PRKCB: variants seen among roughly 807,000 people sequenced by gnomAD.
PRKCB encodes the protein protein kinase C beta, also known as protein kinase C beta type.
A neutral mutation model predicts 81.5 loss-of-function variants in PRKCB; 13 were observed. The ratio of observed to expected loss-of-function variants is 0.16; its 90% confidence interval spans 0.10 to 0.25. The LOEUF is 0.25. PRKCB is among the 10% of genes least tolerant of loss of function. The pLI, the probability that PRKCB is intolerant of heterozygous loss-of-function variation, is 1.00. For synonymous variants in PRKCB, 335 were observed against 321.4 expected, an observed-to-expected ratio of 1.04 and a Z score of -0.45; for missense variants, 509 against 875.7, an observed-to-expected ratio of 0.58 and a Z score of 5.29.
At chr16:23,962,815 A>C (rs559927507) in intron 2 of PRKCB, 1 of 151,656 alleles carries the variant, frequency 6.6e-6, no homozygotes, top group African/African-American at 2.4e-5. Flanking sequence ...AAGTTCTTTC[A>C]TGGTGATTTC....
intron 9 of PRKCB, among the ~76,000 whole-genome samples, chr16:24,145,761 C>T (rs1286689037): frequency 6.6e-6 from 1 of 152,214 alleles, no homozygotes; most frequent in Non-Finnish European, 1.5e-5. Context: ...GGACAAAGCT[C>T]CCGGGCCAGT....
At chr16:24,004,963 A>G (rs1313316081) in intron 3 of PRKCB, among the ~76,000 whole-genome samples, 2 of 152,188 alleles carry the variant, frequency 1.3e-5, no homozygotes, top group Non-Finnish European at 2.9e-5. Context: ...CTCACTACCA[A>G]TTAGAGTTTA....
At chr16:23,882,030 CT>C (rs1597226220) in intron 2 of PRKCB, among the ~76,000 whole-genome samples, 13 of 46,150 alleles carry the variant, frequency 2.8e-4, no homozygotes, top group South Asian at 1.4e-3. Flanking sequence ...TTCTTCCTTC[CT>C]TCCTTCCTTC....
At chr16:23,934,983 T>C (rs780160166) in intron 2 of PRKCB, among the ~76,000 whole-genome samples, 3 of 152,200 alleles carry the variant, frequency 2.0e-5, no homozygotes, top group Non-Finnish European at 4.4e-5. Flanking sequence ...TCTTTGAGTA[T>C]GGTGATGACT....
chr16:23,897,922 G>A (rs1488206078), intron 2 of PRKCB, among the ~76,000 whole-genome samples: 6 of 151,472 alleles, frequency 4.0e-5, no homozygotes, highest in East Asian at 3.9e-4. Context: ...ATTTTGCAAT[G>A]GAGTCTTGCT....
chr16:24,142,906 G>A (rs1024750380), intron 9 of PRKCB, among the ~76,000 whole-genome samples: 1 of 151,902 alleles, frequency 6.6e-6, no homozygotes, highest in Admixed American at 6.6e-5. Flanking sequence ...ACCCAGCCTC[G>A]TCCACAAACC....
chr16:24,143,146 A>T (rs556768058), intron 9 of PRKCB, among the ~76,000 whole-genome samples: 10 of 151,822 alleles, frequency 6.6e-5, no homozygotes, highest in Middle Eastern at 3.4e-3. Context: ...TCATTTATTT[A>T]TTTTGAGATG....
chr16:24,096,665 AAATATATATATATATATAT>A lies in PRKCB; in HGVS notation c.821+2370_821+2388del, dbSNP rs1279230130. 6.6e-4 allele frequency among the ~76,000 whole-genome samples: 26 copies of A among 39,300 alleles called. No homozygotes were observed. The East Asian group carries it at 6.7e-3, about 10-fold the overall frequency. 25.8% of individuals were successfully genotyped at this position (39,300 alleles called of 152,430 possible). ...CCCTTCCTATGGCAAAAAAAAAAAA[AAATATATATATATATATAT>A]ATATATATATATATATATATATCCT... On this transcript the variant is annotated intron_variant, in intron 7 of 16. Transcript: ENST00000643927.
chr16:24,145,050 G>C (rs939960916), intron 9 of PRKCB, among the ~76,000 whole-genome samples: 2 of 152,200 alleles, frequency 1.3e-5, no homozygotes, highest in Non-Finnish European at 2.9e-5. Flanking sequence ...TGAGTTTAGA[G>C]AAGGTGGTAG....
chr16:24,044,708 C>G (rs952734123), intron 5 of PRKCB, among the ~76,000 whole-genome samples: 3 of 152,192 alleles, frequency 2.0e-5, no homozygotes, highest in African/African-American at 7.2e-5. Flanking sequence ...TCTTGTGATA[C>G]AATGGCAGAG....
At position 23,911,871 on chromosome 16, in the gene PRKCB, G is replaced by T. The variant is rs1332918723; in HGVS notation, c.205+74465G>T. On this transcript the variant is annotated intron_variant, in intron 2 of 16. Transcript: ENST00000643927. ...TTTTTGAGATGGAGTCTCACTGTTT[G>T]CCCGGGCTGGAGTGCAGTGGCAGGA... 2.4e-5 allele frequency among the ~76,000 whole-genome samples: 3 copies of T among 123,438 alleles called. No individual in the cohort carries two copies. The South Asian group carries it at 8.6e-4, about 35-fold the overall frequency. 81.0% of individuals were successfully genotyped at this position (123,438 alleles called of 152,430 possible). A position where few individuals can be genotyped will look rare whatever the true frequency, so the allele number is the denominator to read the frequency against.
At chr16:24,205,523 T>A (rs1968033391) in intron 16 of PRKCB, among the ~76,000 whole-genome samples, 3 of 152,150 alleles carry the variant, frequency 2.0e-5, no homozygotes, top group Admixed American at 2.0e-4. Context: ...AGAGTCTGGA[T>A]CTCTTGTCAA....
chr16:24,128,680 T>G (rs1966848725), intron 9 of PRKCB, among the ~76,000 whole-genome samples: 2 of 152,170 alleles, frequency 1.3e-5, no homozygotes, highest in Non-Finnish European at 2.9e-5. Context: ...CATTCAAACG[T>G]GTCATTCACG....
At chr16:24,116,387 T>C (rs973282642) in intron 8 of PRKCB, among the ~76,000 whole-genome samples, 1 of 151,836 alleles carries the variant, frequency 6.6e-6, no homozygotes, top group African/African-American at 2.4e-5. Flanking sequence ...CGACCCTACC[T>C]CTATTATTAA....
chr16:23,904,785 A>G (rs1283691780), intron 2 of PRKCB, among the ~76,000 whole-genome samples: 1 of 152,212 alleles, frequency 6.6e-6, no homozygotes, highest in Non-Finnish European at 1.5e-5. Context: ...TTGGGATTTA[A>G]AAGTTGGGGG....
intron 2 of PRKCB, among the ~76,000 whole-genome samples, chr16:23,914,939 C>T (rs914807968): frequency 3.3e-5 from 5 of 152,300 alleles, no homozygotes; most frequent in Middle Eastern, 3.4e-3. Flanking sequence ...TGTTTGGGGT[C>T]CTGGGTGCTT....
At chr16:24,182,393 C>G (rs942485702) in intron 13 of PRKCB, among the ~76,000 whole-genome samples, 1 of 152,090 alleles carries the variant, frequency 6.6e-6, no homozygotes, top group East Asian at 1.9e-4. Flanking sequence ...CACTAGGTCA[C>G]CCCTGCTGTC....
chr16:24,178,076 A>G (rs1050429604), intron 12 of PRKCB, among the ~76,000 whole-genome samples: 2 of 152,200 alleles, frequency 1.3e-5, no homozygotes, highest in South Asian at 2.1e-4. Flanking sequence ...ACAAATCACT[A>G]CCTCCTTCAT....
chr16:24,045,993 A>C (rs1418321060), intron 5 of PRKCB, among the ~76,000 whole-genome samples: 2 of 152,208 alleles, frequency 1.3e-5, no homozygotes, highest in Admixed American at 1.3e-4. Flanking sequence ...CCAGGGCTGG[A>C]ATCCTCTTTC....
Sources: gnomAD v4.1 joint callset for allele counts (sites outside exome capture counted in the v4.1 genomes callset) on GRCh38, gnomAD v4.1.1 for gene constraint, MANE v1.5 for transcripts, NCBI Gene and HGNC (gene_info 2026-07-23, HGNC 2026-07-21) for gene names.